MDGA2: variants seen among roughly 807,000 people sequenced by gnomAD.
MDGA2 encodes the protein MAM domain containing glycosylphosphatidylinositol anchor 2, also known as MAM domain-containing glycosylphosphatidylinositol anchor protein 2.
Under a neutral mutation model 117.8 loss-of-function variants are expected in MDGA2, and 40 were observed. The observed-to-expected ratio is 0.34, with a 90% CI of 0.26 to 0.44. MDGA2 has a LOEUF of 0.44. Ranked by LOEUF, MDGA2 falls within the 20% of genes least tolerant of loss-of-function variation. MDGA2 has a pLI of 1.00. For synonymous variants in MDGA2, 452 were observed against 439.0 expected (o/e 1.03, Z -0.37); for missense variants, 1,123 against 1,250.6 (o/e 0.90, Z 1.54).
chr14:47,474,352 A>G (rs1364848710), intron 1 of MDGA2, among the ~76,000 whole-genome samples: 1 of 152,212 alleles, frequency 6.6e-6, no homozygotes, highest in Non-Finnish European at 1.5e-5. Context: ...AAATGGAAAA[A>G]CATTCCATGT....
At chr14:46,921,815 A>G (rs1276423362) in intron 9 of MDGA2, among the ~76,000 whole-genome samples, 1 of 152,162 alleles carries the variant, frequency 6.6e-6, no homozygotes, top group Admixed American at 6.5e-5. Flanking sequence ...CACATCCAAT[A>G]CCTACAAATT....
intron 15 of MDGA2, among the ~76,000 whole-genome samples, chr14:46,847,469 T>C (rs1392201934): frequency 6.6e-6 from 1 of 152,074 alleles, no homozygotes; most frequent in African/African-American, 2.4e-5. Context: ...AGATAGAATT[T>C]ACAATGAAGT....
chr14:47,375,565 T>A (rs1434270905), intron 1 of MDGA2, among the ~76,000 whole-genome samples: 2 of 152,126 alleles, frequency 1.3e-5, no homozygotes, highest in Admixed American at 6.5e-5. Flanking sequence ...AACTTTTAAC[T>A]CATTTTTCTG....
chr14:47,534,665 G>A (rs1463348592), intron 1 of MDGA2, among the ~76,000 whole-genome samples: 1 of 152,168 alleles, frequency 6.6e-6, no homozygotes, highest in Non-Finnish European at 1.5e-5. Context: ...GGGGGTTATA[G>A]TTTGAGATGA....
At position 47,131,604 on chromosome 14, in the gene MDGA2, T is replaced by G. The variant is rs76638292; in HGVS notation, c.925+110A>C. ...CAGGATTTTCTGGGAATAAAGGTGCTTATTCCTACATACACCGTAGAAATC... is the reference window on the plus strand; with the variant it reads ...CAGGATTTTCTGGGAATAAAGGTGCGTATTCCTACATACACCGTAGAAATC... On this transcript the variant is annotated intron_variant, in intron 5 of 16. Transcript: ENST00000399232. 10,995 of 805,684 alleles carry G rather than the reference T, an allele frequency of 0.014. 541 individuals are homozygous for G. The East Asian group carries it at 0.15, about 11-fold the overall frequency. 49.9% of individuals were successfully genotyped at this position (805,684 alleles called of 1,614,324 possible). A position where few individuals can be genotyped will look rare whatever the true frequency, so the allele number is the denominator to read the frequency against.
chr14:46,994,399 C>T (rs1353806213), intron 8 of MDGA2, among the ~76,000 whole-genome samples: 1 of 152,110 alleles, frequency 6.6e-6, no homozygotes, highest in East Asian at 1.9e-4. Context: ...CAATTGGTGT[C>T]AGGAGTGAAG....
chr14:47,636,432 T>C (rs1244893500), intron 1 of MDGA2, among the ~76,000 whole-genome samples: 1 of 152,114 alleles, frequency 6.6e-6, no homozygotes, highest in Non-Finnish European at 1.5e-5. Context: ...AAAATTGTTG[T>C]AGCTACAGAA....
At chr14:47,647,577 C>T (rs1367375032) in intron 1 of MDGA2, among the ~76,000 whole-genome samples, 1 of 152,152 alleles carries the variant, frequency 6.6e-6, no homozygotes, top group Non-Finnish European at 1.5e-5. Flanking sequence ...GTATACAATA[C>T]TGATCTCCTC....
chr14:46,894,943 A>G (rs943431139), intron 10 of MDGA2, among the ~76,000 whole-genome samples: 2 of 152,150 alleles, frequency 1.3e-5, no homozygotes, highest in African/African-American at 4.8e-5. Context: ...TCAACCTAAA[A>G]ATTAATTTTG....
At chr14:47,470,664 A>G (rs1893706146) in intron 1 of MDGA2, among the ~76,000 whole-genome samples, 1 of 152,120 alleles carries the variant, frequency 6.6e-6, no homozygotes, top group South Asian at 2.1e-4. Flanking sequence ...TGGTATTTCT[A>G]GTTCTAGATC....
chr14:47,544,134 G>A (rs2138762283), intron 1 of MDGA2, among the ~76,000 whole-genome samples: 1 of 152,194 alleles, frequency 6.6e-6, no homozygotes, highest in Non-Finnish European at 1.5e-5. Context: ...ACTATAGAAA[G>A]TATGTCAGAG....
intron 8 of MDGA2, 123 bp downstream of exon 8, chr14:47,034,888 G>T: frequency 1.2e-6 from 1 of 818,800 alleles, no homozygotes; most frequent in Non-Finnish European, 1.9e-6. Context: ...TCAATCCAAT[G>T]TAGAAATGTA....
At chr14:47,531,550 C>A (rs1895101165) in intron 1 of MDGA2, among the ~76,000 whole-genome samples, 1 of 152,130 alleles carries the variant, frequency 6.6e-6, no homozygotes, top group Non-Finnish European at 1.5e-5. Flanking sequence ...TGCTTGTAAA[C>A]CTTGGATAAT....
chr14:47,194,161 T>C (rs1476697787), intron 3 of MDGA2, among the ~76,000 whole-genome samples: 10 of 152,168 alleles, frequency 6.6e-5, no homozygotes, highest in Admixed American at 5.9e-4. Flanking sequence ...AAAGAGATTT[T>C]CTAGACACAG....
chr14:47,333,797 GT>G (rs1890362766), intron 1 of MDGA2, among the ~76,000 whole-genome samples: 1 of 151,836 alleles, frequency 6.6e-6, no homozygotes, highest in Non-Finnish European at 1.5e-5. Flanking sequence ...AGTAATGTAT[GT>G]TGATATAAAA....
intron 10 of MDGA2, among the ~76,000 whole-genome samples, chr14:46,893,611 A>C (rs1882966065): frequency 6.6e-6 from 1 of 152,096 alleles, no homozygotes; most frequent in Non-Finnish European, 1.5e-5. Context: ...TATTTATATC[A>C]AAACATCATG....
At chr14:47,382,481 C>A (rs917446016) in intron 1 of MDGA2, among the ~76,000 whole-genome samples, 1 of 152,196 alleles carries the variant, frequency 6.6e-6, no homozygotes, top group African/African-American at 2.4e-5. Context: ...TATCCAGAAT[C>A]TACAAATGAC....
At chr14:47,152,949 T>C (rs1286780573) in intron 3 of MDGA2, among the ~76,000 whole-genome samples, 1 of 152,178 alleles carries the variant, frequency 6.6e-6, no homozygotes, top group African/African-American at 2.4e-5. Context: ...GAGTAATGTA[T>C]ACATGTGAAG....
At chr14:47,252,033 C>T (rs189389755) in intron 2 of MDGA2, among the ~76,000 whole-genome samples, 121 of 151,996 alleles carry the variant, frequency 8.0e-4, no homozygotes, top group Non-Finnish European at 1.8e-4. Flanking sequence ...TTTCCCTCAC[C>T]CCAGCTATTC....
Sources: allele counts gnomAD v4.1 joint callset (sites outside exome capture counted in the v4.1 genomes callset), GRCh38; gene constraint gnomAD v4.1.1; transcripts MANE v1.5; gene names NCBI Gene and HGNC (gene_info 2026-07-23, HGNC 2026-07-21).